Variants in ACACB observed in about 807,000 individuals in gnomAD.
The protein encoded by ACACB is acetyl-CoA carboxylase 2.
In ACACB, 209 loss-of-function variants were observed where a neutral mutation model predicts 278.8. The observed-to-expected ratio is 0.75, with a 90% CI of 0.67 to 0.84. The LOEUF is 0.84. Ranked by LOEUF, ACACB falls within the 40% of genes least tolerant of loss-of-function variation. ACACB has a pLI of 0.00. For missense variants in ACACB, 2,850 were observed against 3,269.0 expected, an observed-to-expected ratio of 0.87 and a Z score of 3.13; for synonymous variants, 1,174 against 1,285.6, an observed-to-expected ratio of 0.91 and a Z score of 1.86.
chr12:109,143,426 G>A (rs2043166606), intron 2 of ACACB, among the ~76,000 whole-genome samples: 2 of 135,486 alleles, frequency 1.5e-5, no homozygotes, highest in South Asian at 4.6e-4. Context: ...TTGCCCCACT[G>A]CATCCCAGCC....
chr12:109,194,511 C>CGCGTGT (rs529461816), intron 16 of ACACB, among the ~76,000 whole-genome samples: 2 of 54,282 alleles, frequency 3.7e-5, no homozygotes, highest in South Asian at 8.7e-4. Flanking sequence ...TCTGTGTGTG[C>CGCGTGT]ATGTGTGTGT....
Position 109,232,789 on chromosome 12 carries a change from ATTCGAGGAC to A in ACACB, c.4126_4134del (p.Glu1376_Phe1378del). 6.2e-7 allele frequency: 1 copy of A among 1,614,032 alleles called. No homozygotes were observed. Among genetic ancestry groups the A allele is most frequent in the East Asian group, 2.2e-5 (1 of 44,876 alleles). ...TGGGAGCCATGGTAGCCTTCAGGAG[ATTCGAGGAC>A]TTCACCAGGTACCCAGCATGGCCCG... On this transcript the variant is annotated inframe_deletion, in exon 29 of 53. Coordinates refer to ENST00000338432, the MANE Select transcript of ACACB (RefSeq NM_001093.4).
intron 22 of ACACB, among the ~76,000 whole-genome samples, chr12:109,216,260 C>T (rs376592382): frequency 1.2e-4 from 17 of 138,316 alleles, no homozygotes; most frequent in African/African-American, 3.5e-4. Flanking sequence ...CTTGCTCTGT[C>T]GCCCAGGCTG....
rs540341541 is a variant in ACACB at position 109,253,884 on chromosome 12, C to G, written c.6046-330C>G. On this transcript the variant is annotated intron_variant, in intron 43 of 52. Coordinates refer to ENST00000338432, the MANE Select transcript of ACACB (RefSeq NM_001093.4). ...TGTTACCATTCTCTGCAACCAATCTCTTTTTCTTTCTTTTAAGATGTTTTT... is the reference window on the plus strand; with the variant it reads ...TGTTACCATTCTCTGCAACCAATCTGTTTTTCTTTCTTTTAAGATGTTTTT... Among the ~76,000 whole-genome samples, 6 of 152,332 alleles carry G rather than the reference C, an allele frequency of 3.9e-5. No homozygotes were observed. In the South Asian group the frequency reaches 1.2e-3, roughly 32 times the overall value.
Position 109,139,665 on chromosome 12 carries a change from G to T in ACACB, c.260G>T (p.Arg87Leu). 1 of 1,613,974 alleles carries T rather than the reference G, an allele frequency of 6.2e-7. No individual in the cohort carries two copies. Among genetic ancestry groups the T allele is most frequent in the Non-Finnish European group, 8.5e-7 (1 of 1,179,944 alleles). Reference protein sequence around the residue: ...ASHKGPKDAGRRRNSLPPSHQ... With the variant: ...ASHKGPKDAGLRRNSLPPSHQ... ...CACAAAGGCCCCAAAGATGCCGGTC[G>T]GCGGAGAAACTCCCTACCACCCTCC... Residue 87 changes from arginine (R) to leucine (L), a missense_variant, in exon 2 of 53, where the codon CGG becomes CTG. This residue lies in a region of ACACB where 2,265 missense variants were observed against 2,561.3 expected (regional missense o/e 0.88). Transcript: ENST00000338432.
Position 109,232,498 on chromosome 12 carries a change from C to A in ACACB, c.4002-171C>A, listed in dbSNP as rs143729976. Among the ~76,000 whole-genome samples, 489 of 152,286 alleles carry A rather than the reference C, an allele frequency of 3.2e-3. 3 individuals carry two copies. The highest frequency in any genetic ancestry group is 0.011 in the African/African-American group (469 of 41,560). ...CCAGGTCCTGAGGGATCAGATGAGA[C>A]CCTCCTCAGGCCCCGGCCCCAGCCA... On this transcript the variant is annotated intron_variant, in intron 28 of 52. Transcript: ENST00000338432.
At chr12:109,157,905 T>C (rs887590218) in intron 2 of ACACB, among the ~76,000 whole-genome samples, 4 of 152,094 alleles carry the variant, frequency 2.6e-5, no homozygotes, top group Non-Finnish European at 4.4e-5. Context: ...TTTTAATGAG[T>C]CCCATTTCAC....
chr12:109,183,288 CTT>C (rs760983978), intron 11 of ACACB, among the ~76,000 whole-genome samples: 5 of 151,668 alleles, frequency 3.3e-5, no homozygotes, highest in African/African-American at 4.8e-5. Flanking sequence ...TCCATATAAA[CTT>C]TAGGATTTTT....
chr12:109,195,809 T>G (rs986224865), intron 16 of ACACB, among the ~76,000 whole-genome samples: 5 of 152,154 alleles, frequency 3.3e-5, no homozygotes, highest in African/African-American at 1.2e-4. Context: ...ATTCCCTATC[T>G]TCTGTGTCCA....
At position 109,239,867 on chromosome 12, in the gene ACACB, G is replaced by A. The variant is rs780413964; in HGVS notation, c.4700G>A (p.Arg1567Gln). Reference sequence around the variant, plus strand: ...GAATACCTGCAGAACGAGGGTGAGCGGCTGCTCCTGGAGGCCATGGACGAG... The same window carrying A: ...GAATACCTGCAGAACGAGGGTGAGCAGCTGCTCCTGGAGGCCATGGACGAG... ...SFEYLQNEGE[R>Q]LLLEAMDELE... The change falls in exon 35 of 53, where the codon CGG (arginine) becomes CAG (glutamine). Residue 1567 changes from arginine (R) to glutamine (Q), a missense_variant. Around this residue, in one of 3 missense-constraint regions of ACACB, gnomAD observed 2,265 missense variants for 2,561.3 expected, o/e 0.88. Transcript: ENST00000338432. The A allele has an allele frequency of 9.3e-6, 15 of 1,614,084 alleles. No individual in the cohort carries two copies. Among genetic ancestry groups the A allele is most frequent in the East Asian group, 2.2e-5 (1 of 44,854 alleles).
At chr12:109,206,263 G>A (rs2045505124) in intron 19 of ACACB, among the ~76,000 whole-genome samples, 1 of 152,052 alleles carries the variant, frequency 6.6e-6, no homozygotes, top group South Asian at 2.1e-4. Flanking sequence ...GTGAAAACCT[G>A]TCTATACTAA....
chr12:109,222,311 G>GAGTGAGTGAGTGAGTA (rs1262536930), intron 24 of ACACB, among the ~76,000 whole-genome samples, 196 bp from the exon 25 acceptor site: 24 of 151,934 alleles, frequency 1.6e-4, no homozygotes, highest in African/African-American at 5.1e-4. Context: ...GTGAGTGAGT[G>GAGTGAGTGAGTGAGTA]AGTGAATGAA....
chr12:109,132,733 G>A (rs2135987487), intron 1 of ACACB, among the ~76,000 whole-genome samples: 1 of 152,286 alleles, frequency 6.6e-6, no homozygotes, highest in Middle Eastern at 3.4e-3. Context: ...CTTGTGTGGG[G>A]TGACCTTTGG....
At chr12:109,194,419 C>G (rs953204645) in intron 16 of ACACB, among the ~76,000 whole-genome samples, 2 of 152,132 alleles carry the variant, frequency 1.3e-5, no homozygotes. Context: ...TGGTCTTGAA[C>G]TCCTGAGCTC....
intron 18 of ACACB, among the ~76,000 whole-genome samples, chr12:109,201,104 G>A (rs2045317123): frequency 6.6e-6 from 1 of 152,220 alleles, no homozygotes; most frequent in South Asian, 2.1e-4. Context: ...AGACATTCGG[G>A]AAAATTAAAA....
At chr12:109,171,135 T>TGCAC (rs1452817317) in intron 4 of ACACB, among the ~76,000 whole-genome samples, 2 of 151,070 alleles carry the variant, frequency 1.3e-5, no homozygotes, top group Admixed American at 1.3e-4. Context: ...ATGTCAGGCG[T>TGCAC]GCACCACCGT....
At chr12:109,237,563 G>A (rs939750666) in intron 34 of ACACB, among the ~76,000 whole-genome samples, 183 bp downstream of exon 34, 5 of 152,146 alleles carry the variant, frequency 3.3e-5, no homozygotes, top group African/African-American at 1.2e-4. Flanking sequence ...CTGTGATCAC[G>A]TCCAGGCTGG....
intron 28 of ACACB, among the ~76,000 whole-genome samples, chr12:109,230,883 A>G (rs887811942): frequency 6.6e-6 from 1 of 152,104 alleles, no homozygotes; most frequent in Non-Finnish European, 1.5e-5. Context: ...TTTTTGACCC[A>G]GAGAGACATT....
intron 2 of ACACB, among the ~76,000 whole-genome samples, chr12:109,152,846 G>A (rs1195411795): frequency 1.3e-5 from 2 of 152,026 alleles, no homozygotes; most frequent in African/African-American, 2.4e-5. Flanking sequence ...GTTTCACTAT[G>A]TTGGTCAGGT....
Sources: gnomAD v4.1 joint callset for allele counts (sites outside exome capture counted in the v4.1 genomes callset) on GRCh38, gnomAD v4.1.1 for gene constraint, gnomAD v4.1.1 regional missense constraint, MANE v1.5 for transcripts, NCBI Gene and HGNC (gene_info 2026-07-23, HGNC 2026-07-21) for gene names.